The following HIVEP2 variants were observed in gnomAD, a reference collection of about 807,000 sequenced individuals.
HIVEP2 encodes transcription factor HIVEP2.
HIVEP2 carries 14 observed loss-of-function variants against 180.7 expected under a neutral mutation model. That is an observed-to-expected ratio of 0.08 (90% confidence interval 0.05 to 0.12). The LOEUF is 0.12. Ranked by LOEUF, HIVEP2 falls within the 10% of genes least tolerant of loss-of-function variation. The probability of loss-of-function intolerance (pLI) is 1.00; values close to 1 mark genes in which losing one functional copy is unlikely to be tolerated. For synonymous variants in HIVEP2, 1,184 were observed against 1,136.4 expected (o/e 1.04, Z -0.84); for missense variants, 2,579 against 3,008.5 (o/e 0.86, Z 3.34).
chr6:142,801,144 C>A (rs1298705080), intron 2 of HIVEP2, among the ~76,000 whole-genome samples: 2 of 144,732 alleles, frequency 1.4e-5, no homozygotes, highest in African/African-American at 2.5e-5. Context: ...GAAGAGAGGA[C>A]CTTTCCCAGG....
At chr6:142,923,727 T>C (rs573324827) in intron 1 of HIVEP2, among the ~76,000 whole-genome samples, 1 of 152,218 alleles carries the variant, frequency 6.6e-6, no homozygotes, top group Non-Finnish European at 1.5e-5. Flanking sequence ...CCTGTACAAA[T>C]GCACAGGTCA....
intron 1 of HIVEP2, among the ~76,000 whole-genome samples, chr6:142,897,035 T>C (rs1313968595): frequency 6.6e-6 from 1 of 152,152 alleles, no homozygotes; most frequent in East Asian, 1.9e-4. Flanking sequence ...TTCTCATTGT[T>C]TCAATATTGA....
intron 1 of HIVEP2, among the ~76,000 whole-genome samples, chr6:142,845,152 ACAT>A (rs911933229): frequency 6.6e-6 from 1 of 152,256 alleles, no homozygotes; most frequent in African/African-American, 2.4e-5. Context: ...AAATCTTGGG[ACAT>A]CATGAAACTT....
chr6:142,845,102 A>G (rs921865000), intron 1 of HIVEP2, among the ~76,000 whole-genome samples: 3 of 152,270 alleles, frequency 2.0e-5, no homozygotes, highest in African/African-American at 7.2e-5. Context: ...TGTTCTCATT[A>G]TGAAAACATT....
At chr6:142,892,814 G>T (rs1359805957) in intron 1 of HIVEP2, among the ~76,000 whole-genome samples, 1 of 152,158 alleles carries the variant, frequency 6.6e-6, no homozygotes, top group Non-Finnish European at 1.5e-5. Flanking sequence ...AGGGAATGGG[G>T]AGTCAAGATT....
Position 142,753,770 on chromosome 6 carries a change from G to C in HIVEP2, c.6678C>G (p.Ile2226Met). The change falls in exon 10 of 10, where the codon ATC (isoleucine) becomes ATG (methionine). Residue 2226 changes from isoleucine (I) to methionine (M), a missense_variant. Ile to Met is a conservative substitution (Grantham distance 10). This residue lies in a region of HIVEP2 where 660 missense variants were observed against 731.7 expected (regional missense o/e 0.90). Coordinates refer to ENST00000367603, the MANE Select transcript of HIVEP2 (RefSeq NM_006734.4). ...GGATCCCACCAACGGGCACCATGGG[G>C]ATAGGGGCTCGCACTTGTTGCTGAG... ...LHSQQQVRAP[I>M]PMVPVGGIQM... The C allele has an allele frequency of 6.2e-7, 1 of 1,614,206 alleles. No homozygotes were observed. Among genetic ancestry groups the C allele is most frequent in the Non-Finnish European group, 8.5e-7 (1 of 1,180,038 alleles).
chr6:142,911,792 C>T (rs901768869), intron 1 of HIVEP2, among the ~76,000 whole-genome samples: 1 of 152,094 alleles, frequency 6.6e-6, no homozygotes, highest in African/African-American at 2.4e-5. Flanking sequence ...GTCTGTGATG[C>T]GTATGTGTGC....
At chr6:142,875,949 G>C (rs574902376) in intron 1 of HIVEP2, among the ~76,000 whole-genome samples, 5 of 152,128 alleles carry the variant, frequency 3.3e-5, no homozygotes, top group Non-Finnish European at 7.4e-5. Context: ...TCTAAACCAT[G>C]CTGGGATATC....
Position 142,771,753 on chromosome 6 carries a change from T to C in HIVEP2, c.2986A>G (p.Lys996Glu), listed in dbSNP as rs1427522004. 5.0e-6 allele frequency: 8 copies of C among 1,614,010 alleles called. No individual in the cohort carries two copies. Among genetic ancestry groups the C allele is most frequent in the Non-Finnish European group, 6.8e-6 (8 of 1,180,028 alleles). ...GAATGCTTCCCAAACTCATCCTGCT[T>C]AGGAAGTGCAGAAAGCTTACTGGTT... ...EETSKLSALPKQDEFGKHSEF... is the reference protein window; with the variant it reads ...EETSKLSALPEQDEFGKHSEF... The change falls in exon 5 of 10, where the codon AAG becomes GAG. Residue 996 changes from lysine (K) to glutamate (E), a missense_variant. Transcript: ENST00000367603. This position sits in a 1 kb window ranked among gnomAD's most constrained non-coding sequence, Gnocchi z 5.4.
chr6:142,925,682 C>G (rs538816031), intron 1 of HIVEP2, among the ~76,000 whole-genome samples: 1 of 152,280 alleles, frequency 6.6e-6, no homozygotes. Flanking sequence ...ATGGGGACTT[C>G]TTTTAAATGA....
chr6:142,861,501 C>T (rs537266165), intron 1 of HIVEP2, among the ~76,000 whole-genome samples: 1 of 152,258 alleles, frequency 6.6e-6, no homozygotes, highest in Non-Finnish European at 1.5e-5. Flanking sequence ...TTGAAGGTAT[C>T]CTTGGATACA....
chr6:142,870,490 C>T (rs1776263629), intron 1 of HIVEP2, among the ~76,000 whole-genome samples: 2 of 152,188 alleles, frequency 1.3e-5, no homozygotes, highest in Admixed American at 6.5e-5. Context: ...GTCCCATGAG[C>T]ATCCTCCTGC....
chr6:142,866,036 T>A, intron 1 of HIVEP2, among the ~76,000 whole-genome samples: 1 of 152,172 alleles, frequency 6.6e-6, no homozygotes, highest in Non-Finnish European at 1.5e-5. Context: ...TTTGAGTTCC[T>A]CATTTGTAAA....
chr6:142,895,124 T>C (rs1185694539), intron 1 of HIVEP2, among the ~76,000 whole-genome samples: 2 of 152,240 alleles, frequency 1.3e-5, no homozygotes, highest in East Asian at 3.8e-4. Context: ...ACATTTTAAC[T>C]TTAACACTTG....
intron 1 of HIVEP2, among the ~76,000 whole-genome samples, chr6:142,934,753 T>C (rs988791528): frequency 5.3e-5 from 8 of 152,216 alleles, no homozygotes; most frequent in Non-Finnish European, 1.2e-4. Flanking sequence ...GGGACATTGC[T>C]GAGTTGCAAA....
At chr6:142,856,603 G>A (rs1441710253) in intron 1 of HIVEP2, among the ~76,000 whole-genome samples, 1 of 152,212 alleles carries the variant, frequency 6.6e-6, no homozygotes, top group Non-Finnish European at 1.5e-5. Flanking sequence ...AGAAGCGTGA[G>A]TAATTTACTT....
At chr6:142,883,658 T>C (rs994489179) in intron 1 of HIVEP2, among the ~76,000 whole-genome samples, 2 of 152,266 alleles carry the variant, frequency 1.3e-5, no homozygotes, top group African/African-American at 4.8e-5. Context: ...AATGAAACTT[T>C]TTCATATAGT....
chr6:142,837,995 T>C (rs1775267659), intron 1 of HIVEP2, among the ~76,000 whole-genome samples: 2 of 152,094 alleles, frequency 1.3e-5, no homozygotes, highest in Admixed American at 1.3e-4. Flanking sequence ...CAAGATTTTT[T>C]AATTGTGCAA....
rs1359882793 is a variant in HIVEP2, at chr6:142,752,883, T to C, written c.*224A>G. The C allele has an allele frequency of 4.1e-6, 2 of 482,436 alleles. No individual in the cohort carries two copies. Among genetic ancestry groups the C allele is most frequent in the African/African-American group, 3.8e-5 (2 of 52,268 alleles). 29.9% of individuals were successfully genotyped at this position (482,436 alleles called of 1,614,324 possible). A position where few individuals can be genotyped will look rare whatever the true frequency, so the allele number is the denominator to read the frequency against. ...GAAAAGGCACAAACATCTGTACAAT[T>C]TTAAAAGTACCAGACCCAATAGGTT... On this transcript the variant is annotated 3_prime_UTR_variant, in exon 10 of 10. Coordinates refer to ENST00000367603, the MANE Select transcript of HIVEP2 (RefSeq NM_006734.4).
Sources: gnomAD v4.1 joint callset for allele counts (sites outside exome capture counted in the v4.1 genomes callset) on GRCh38, gnomAD v4.1.1 for gene constraint, gnomAD v4.1.1 regional missense constraint, Gnocchi (gnomAD v3.1) non-coding constraint, MANE v1.5 for transcripts, NCBI Gene and HGNC (gene_info 2026-07-23, HGNC 2026-07-21) for gene names.